Variants in ZNF100 observed in about 807,000 individuals in gnomAD.
The protein encoded by ZNF100 is zinc finger protein 100 (Y1).
In ZNF100, 12 loss-of-function variants were observed where a neutral mutation model predicts 15.8. That is an observed-to-expected ratio of 0.76 (90% CI 0.49 to 1.23). The LOEUF is 1.23. Ranked by LOEUF, ZNF100 falls within the 50% of genes most tolerant of loss-of-function variation. The pLI is 0.00. For synonymous variants in ZNF100, 226 were observed against 214.8 expected (o/e 1.05, Z -0.45); for missense variants, 670 against 635.6 (o/e 1.05, Z -0.58).
intron 4 of ZNF100, among the ~76,000 whole-genome samples, chr19:21,733,190 C>A (rs2145694180): frequency 6.6e-6 from 1 of 152,210 alleles, no homozygotes; most frequent in East Asian, 1.9e-4. Flanking sequence ...AATTTTTTTA[C>A]TATCATAATG....
chr19:21,754,690 A>C (rs1442125405), intron 2 of ZNF100, among the ~76,000 whole-genome samples: 1 of 152,242 alleles, frequency 6.6e-6, no homozygotes, highest in Non-Finnish European at 1.5e-5. Flanking sequence ...TAACCATAAA[A>C]ACCCTAAATG....
intron 4 of ZNF100, among the ~76,000 whole-genome samples, chr19:21,731,562 C>T (rs1252262538): frequency 6.6e-6 from 1 of 152,132 alleles, no homozygotes; most frequent in Admixed American, 6.5e-5. Flanking sequence ...CTGCCTCAGC[C>T]TCTCAAAGTG....
At chr19:21,760,924 T>G (rs1404365664) in intron 2 of ZNF100, among the ~76,000 whole-genome samples, 2 of 151,616 alleles carry the variant, frequency 1.3e-5, no homozygotes, top group African/African-American at 4.8e-5. Context: ...GTCCCACTAT[T>G]TTTTTTTGTA....
intron 2 of ZNF100, among the ~76,000 whole-genome samples, chr19:21,764,513 G>A (rs763496467): frequency 1.2e-3 from 181 of 151,960 alleles, no homozygotes; most frequent in Non-Finnish European, 2.0e-3. Flanking sequence ...ATAGTGGTGC[G>A]CCTCTAATCG....
At position 21,725,921 on chromosome 19, in the gene ZNF100, T is replaced by A. The variant is rs1313102996; in HGVS notation, c.*762A>T. ...AATTTTTCCTGTATCTGCAAAAATA[T>A]GTTTTAGTATGAACTCTCTGGTGTT... On this transcript the variant is annotated 3_prime_UTR_variant, in exon 5 of 5. Transcript: ENST00000358296. The A allele has an allele frequency of 6.6e-6, 1 of 152,186 alleles. No individual in the cohort carries two copies. Among genetic ancestry groups the A allele is most frequent in the African/African-American group, 2.4e-5 (1 of 41,462 alleles). The allele number at this position is 152,186 out of a possible 1,614,324, so 9.4% of individuals were successfully genotyped here.
chr19:21,754,251 A>T (rs2036357311), intron 2 of ZNF100, among the ~76,000 whole-genome samples: 4 of 151,500 alleles, frequency 2.6e-5, no homozygotes. Context: ...AAAAAACAAC[A>T]AAACATTGTT....
intron 3 of ZNF100, 134 bp downstream of exon 3, chr19:21,744,807 C>T (rs1315368283): frequency 7.9e-6 from 11 of 1,389,880 alleles, no homozygotes; most frequent in Non-Finnish European, 1.1e-5. Context: ...CTTTTCCACA[C>T]ACAGCCTCAA....
intron 2 of ZNF100, chr19:21,751,837 C>A: frequency 1.2e-6 from 1 of 860,436 alleles, no homozygotes. Flanking sequence ...AAGACAAAGA[C>A]TTGTGTGGAG....
intron 2 of ZNF100, among the ~76,000 whole-genome samples, chr19:21,758,752 T>A (rs144161261): frequency 2.6e-3 from 400 of 152,264 alleles, no homozygotes; most frequent in African/African-American, 9.1e-3. Flanking sequence ...GTGGGTATGT[T>A]TGTGAGTGGA....
intron 3 of ZNF100, 123 bp from the exon 4 acceptor site, chr19:21,744,238 G>A (rs997996490): frequency 6.7e-6 from 6 of 899,116 alleles, no homozygotes; most frequent in Non-Finnish European, 7.6e-6. Context: ...ACTAATTAAT[G>A]AGAGAAATTT....
intron 1 of ZNF100, 98 bp downstream of exon 1, chr19:21,767,329 C>T: frequency 6.3e-7 from 1 of 1,596,832 alleles, no homozygotes; most frequent in South Asian, 1.1e-5. Context: ...GATTGTGAAG[C>T]TGACTGCGGA....
intron 2 of ZNF100, among the ~76,000 whole-genome samples, chr19:21,757,330 C>CT (rs2036407302): frequency 6.6e-6 from 1 of 152,170 alleles, no homozygotes; most frequent in African/African-American, 2.4e-5. Flanking sequence ...TCCAGCTACT[C>CT]AAGAGGCTGA....
At position 21,726,400 on chromosome 19, in the gene ZNF100, T is replaced by C; in HGVS notation, c.*283A>G. ...CCAGTATAACTTACCTTACCTACAA[T>C]CAAGTGTGACAACCATTTAAAACTT... On this transcript the variant is annotated 3_prime_UTR_variant, in exon 5 of 5. Transcript: ENST00000358296. 2.7e-6 allele frequency: 1 copy of C among 365,858 alleles called. No homozygotes were observed. Among genetic ancestry groups the C allele is most frequent in the Non-Finnish European group, 4.9e-6 (1 of 204,280 alleles). The allele number at this position is 365,858 out of a possible 1,614,324, so 22.7% of individuals were successfully genotyped here.
At position 21,727,050 on chromosome 19, in the gene ZNF100, C is replaced by A. The variant is rs543112236; in HGVS notation, c.1262G>T (p.Arg421Ile). The change falls in exon 5 of 5, where the codon AGA becomes ATA. Residue 421 changes from arginine (R) to isoleucine (I), a missense_variant. Arg to Ile is a moderately conservative substitution (Grantham distance 97). Transcript: ENST00000358296. The stretch of plus-strand genomic sequence containing the variant: ...GTAGGGTTTCTCTCCAGTATGAATT[C>A]TCTTATGTTTAGTGAGGGCTGAGGA... Reference protein sequence around the residue: ...NWSSALTKHKRIHTGEKPYKC... With the variant: ...NWSSALTKHKIIHTGEKPYKC... 7.5e-6 allele frequency: 12 copies of A among 1,607,692 alleles called. No homozygotes were observed. Among genetic ancestry groups the A allele is most frequent in the Middle Eastern group, 1.7e-4 (1 of 6,006 alleles).
chr19:21,736,164 T>G (rs960635924), intron 4 of ZNF100, among the ~76,000 whole-genome samples: 5 of 152,110 alleles, frequency 3.3e-5, no homozygotes, highest in Non-Finnish European at 7.4e-5. Context: ...CTTGGCTCAC[T>G]GCAACCTTCA....
At chr19:21,743,167 G>T (rs1459098569) in intron 4 of ZNF100, 1 of 152,214 alleles carries the variant, frequency 6.6e-6, no homozygotes, top group Non-Finnish European at 1.5e-5. Context: ...GGTGGAGGTT[G>T]CAGTGAACCA....
chr19:21,751,744 A>G, intron 2 of ZNF100: 1 of 1,296,712 alleles, frequency 7.7e-7, no homozygotes, highest in Non-Finnish European at 1.1e-6. Context: ...ATCGCTCCTT[A>G]GCAGATGACC....
chr19:21,732,108 T>G (rs74568449), intron 4 of ZNF100, among the ~76,000 whole-genome samples: 12,631 of 151,700 alleles, frequency 0.083, 593 homozygotes, highest in Middle Eastern at 0.15. Context: ...GAGGCGGAGG[T>G]TGCAGCGAGC....
In ZNF100 at chr19:21,767,436, G is replaced by C. The variant is rs781452342; in HGVS notation, c.-7C>G. On this transcript the variant is annotated 5_prime_UTR_variant, in exon 1 of 5. Transcript: ENST00000358296. ...GACCGGGCACTCTCACCATTTCTAG[G>C]CTTCTAGGGGGTCCTGGCGTCTTAG... is the stretch of plus-strand genomic sequence containing the variant. 3.1e-6 allele frequency: 5 copies of C among 1,614,000 alleles called. No individual in the cohort carries two copies. Among genetic ancestry groups the C allele is most frequent in the Non-Finnish European group, 4.2e-6 (5 of 1,180,004 alleles).
Sources: gnomAD v4.1 joint callset for allele counts (sites outside exome capture counted in the v4.1 genomes callset) on GRCh38, gnomAD v4.1.1 for gene constraint, MANE v1.5 for transcripts, NCBI Gene and HGNC (gene_info 2026-07-23, HGNC 2026-07-21) for gene names.